The following HDAC9 variants were observed in gnomAD, a reference collection of about 807,000 sequenced individuals.
The protein encoded by HDAC9 is histone deacetylase 9.
Under a neutral mutation model 139.4 loss-of-function variants are expected in HDAC9, and 41 were observed. The observed-to-expected ratio is 0.29, with a 90% confidence interval of 0.23 to 0.38. The LOEUF is 0.38. Among genes scored for constraint, HDAC9 ranks in the 10% least tolerant of loss-of-function variants. The pLI is 1.00. For synonymous variants in HDAC9, 517 were observed against 476.2 expected (o/e 1.09, Z -1.12); for missense variants, 1,147 against 1,297.0 (o/e 0.88, Z 1.78).
intron 4 of HDAC9, among the ~76,000 whole-genome samples, chr7:18,590,739 T>A (rs1352025558): frequency 2.6e-5 from 4 of 152,184 alleles, no homozygotes; most frequent in Non-Finnish European, 5.9e-5. Flanking sequence ...GTTTTGAACC[T>A]TAAAAATAAT....
chr7:18,252,929 C>T (rs1795010598), intron 2 of HDAC9, among the ~76,000 whole-genome samples: 1 of 152,126 alleles, frequency 6.6e-6, no homozygotes, highest in Non-Finnish European at 1.5e-5. Flanking sequence ...CCATCCTCCA[C>T]CCCAGTGTGT....
chr7:18,842,952 A>G (rs370352385), intron 21 of HDAC9, among the ~76,000 whole-genome samples: 1 of 152,132 alleles, frequency 6.6e-6, no homozygotes, highest in African/African-American at 2.4e-5. Context: ...GGGAAGTGAT[A>G]TCTGCAGTGA....
chr7:18,594,528 A>G (rs918420392), intron 6 of HDAC9, among the ~76,000 whole-genome samples: 5 of 152,080 alleles, frequency 3.3e-5, no homozygotes, highest in African/African-American at 1.2e-4. Flanking sequence ...TGACTAGCCT[A>G]ATATCTCATG....
At chr7:18,151,077 T>G (rs1786745207) in intron 1 of HDAC9, among the ~76,000 whole-genome samples, 1 of 152,186 alleles carries the variant, frequency 6.6e-6, no homozygotes, top group African/African-American at 2.4e-5. Flanking sequence ...ATTTTTTTTT[T>G]GCAGAACTGG....
intron 22 of HDAC9, among the ~76,000 whole-genome samples, chr7:18,894,865 A>C: frequency 6.6e-6 from 1 of 152,124 alleles, no homozygotes; most frequent in East Asian, 1.9e-4. Context: ...GCTTAGATAC[A>C]GGAGAATTTA....
intron 2 of HDAC9, among the ~76,000 whole-genome samples, chr7:18,536,790 C>T (rs920395407): frequency 1.3e-5 from 2 of 152,082 alleles, no homozygotes; most frequent in South Asian, 2.1e-4. Flanking sequence ...CAAAAATCCT[C>T]CATAAGCCTC....
intron 1 of HDAC9, among the ~76,000 whole-genome samples, chr7:18,316,395 G>C (rs1301874910): frequency 6.6e-6 from 1 of 152,020 alleles, no homozygotes; most frequent in Non-Finnish European, 1.5e-5. Flanking sequence ...TGAGAAATAT[G>C]GCATTTAGAA....
intron 1 of HDAC9, among the ~76,000 whole-genome samples, chr7:18,116,607 CAAAT>C (rs1465425947): frequency 6.6e-6 from 1 of 151,870 alleles, no homozygotes; most frequent in Non-Finnish European, 1.5e-5. Context: ...ACATACGTAT[CAAAT>C]AACATATGTA....
At chr7:18,342,003 G>T (rs569782627) in intron 1 of HDAC9, among the ~76,000 whole-genome samples, 1 of 151,774 alleles carries the variant, frequency 6.6e-6, no homozygotes, top group Non-Finnish European at 1.5e-5. Context: ...TCAGTGTCCC[G>T]TGATCAAAGA....
At chr7:18,290,849 C>T (rs1797760415) in intron 1 of HDAC9, among the ~76,000 whole-genome samples, 2 of 152,184 alleles carry the variant, frequency 1.3e-5, no homozygotes, top group South Asian at 4.1e-4. Flanking sequence ...CCGGAATTGT[C>T]AGCAGGGGCA....
At chr7:18,514,924 A>C (rs2128198110) in intron 2 of HDAC9, among the ~76,000 whole-genome samples, 2 of 152,320 alleles carry the variant, frequency 1.3e-5, no homozygotes, top group South Asian at 4.1e-4. Flanking sequence ...TCTAGCCTGG[A>C]TGACACATAA....
chr7:18,904,346 T>A (rs936515968), intron 22 of HDAC9, among the ~76,000 whole-genome samples: 3 of 152,176 alleles, frequency 2.0e-5, no homozygotes, highest in African/African-American at 7.2e-5. Context: ...TTATCTATGA[T>A]GATCAGGGTG....
chr7:18,327,776 C>T (rs573336328), intron 1 of HDAC9: 1 of 151,848 alleles, frequency 6.6e-6, no homozygotes, highest in Non-Finnish European at 1.5e-5. Context: ...TTTTTTATTT[C>T]CTACTATCTA....
At chr7:18,681,695 C>T (rs1241592130) in intron 12 of HDAC9, among the ~76,000 whole-genome samples, 1 of 152,006 alleles carries the variant, frequency 6.6e-6, no homozygotes, top group African/African-American at 2.4e-5. Context: ...TAGATACATG[C>T]ACAGTTTAGA....
chr7:18,206,074 C>A (rs1791489967), intron 2 of HDAC9, among the ~76,000 whole-genome samples: 2 of 151,784 alleles, frequency 1.3e-5, no homozygotes, highest in South Asian at 4.2e-4. Flanking sequence ...GAATGATAGG[C>A]CAATGAAAAA....
intron 2 of HDAC9, among the ~76,000 whole-genome samples, chr7:18,514,879 T>A (rs1274285797): frequency 6.6e-6 from 1 of 152,086 alleles, no homozygotes; most frequent in East Asian, 1.9e-4. Context: ...TCCAGGAATT[T>A]GAGTTTGAAG....
intron 17 of HDAC9, among the ~76,000 whole-genome samples, chr7:18,819,853 AGTT>A (rs1562963268): frequency 6.6e-6 from 1 of 152,244 alleles, no homozygotes; most frequent in Non-Finnish European, 1.5e-5. Context: ...GTCACCATTA[AGTT>A]GACTGAAATC....
intron 1 of HDAC9, among the ~76,000 whole-genome samples, chr7:18,150,692 C>G (rs1381497810): frequency 6.6e-6 from 1 of 152,204 alleles, no homozygotes; most frequent in African/African-American, 2.4e-5. Flanking sequence ...ACATCACTCT[C>G]TGTTCCAACA....
chr7:18,879,841 C>T (rs1185959694), intron 22 of HDAC9, among the ~76,000 whole-genome samples: 2 of 152,134 alleles, frequency 1.3e-5, no homozygotes, highest in South Asian at 4.1e-4. Flanking sequence ...AGCCTCTGCA[C>T]AGCAAAAGAA....
Sources: gnomAD v4.1 joint callset for allele counts (sites outside exome capture counted in the v4.1 genomes callset) on GRCh38, gnomAD v4.1.1 for gene constraint, MANE v1.5 for transcripts, NCBI Gene and HGNC (gene_info 2026-07-23, HGNC 2026-07-21) for gene names.